GMDS: variants seen among roughly 807,000 people sequenced by gnomAD.
The protein encoded by GMDS is GDP-mannose 4,6-dehydratase, also known as GDP-mannose 4,6 dehydratase.
GMDS carries 20 observed loss-of-function variants against 49.9 expected under a neutral mutation model. The ratio of observed to expected loss-of-function variants is 0.40; its 90% CI spans 0.28 to 0.58. The LOEUF is 0.58. Ranked by LOEUF, GMDS falls within the 20% of genes least tolerant of loss-of-function variation. The pLI, the probability that GMDS is intolerant of heterozygous loss-of-function variation, is 0.42. For synonymous variants in GMDS, 177 were observed against 178.6 expected, an observed-to-expected ratio of 0.99 and a Z score of 0.07; for missense variants, 362 against 481.4, an observed-to-expected ratio of 0.75 and a Z score of 2.32.
At chr6:2,206,275 C>T (rs772227138) in intron 1 of GMDS, among the ~76,000 whole-genome samples, 14 of 151,706 alleles carry the variant, frequency 9.2e-5, no homozygotes, top group Admixed American at 2.6e-4. Flanking sequence ...AAAAAAAGCC[C>T]GGACATCCAA....
At chr6:1,947,536 C>T (rs1005346142) in intron 6 of GMDS, among the ~76,000 whole-genome samples, 1 of 152,206 alleles carries the variant, frequency 6.6e-6, no homozygotes, top group African/African-American at 2.4e-5. Flanking sequence ...TGTGACCGCA[C>T]TGATGTTCAC....
At chr6:1,881,345 G>C (rs1163757648) in intron 7 of GMDS, among the ~76,000 whole-genome samples, 2 of 152,234 alleles carry the variant, frequency 1.3e-5, no homozygotes, top group East Asian at 3.9e-4. Context: ...TTGTAGCCAA[G>C]CTTGAAGAAT....
intron 7 of GMDS, among the ~76,000 whole-genome samples, chr6:1,864,443 T>C (rs1758344291): frequency 1.3e-5 from 2 of 152,174 alleles, no homozygotes; most frequent in Admixed American, 6.5e-5. Context: ...TAACTAGAGA[T>C]TTATATGATC....
At chr6:2,180,860 A>G (rs1043127253) in intron 1 of GMDS, among the ~76,000 whole-genome samples, 1 of 152,174 alleles carries the variant, frequency 6.6e-6, no homozygotes, top group Non-Finnish European at 1.5e-5. Context: ...CATTTGTAAC[A>G]AAAGTACATA....
intron 6 of GMDS, among the ~76,000 whole-genome samples, chr6:1,945,268 T>G (rs1763025586): frequency 6.6e-6 from 1 of 151,938 alleles, no homozygotes; most frequent in Non-Finnish European, 1.5e-5. Flanking sequence ...TTTATAACTG[T>G]GGGGTTCTCA....
At chr6:1,940,593 G>T (rs959873739) in intron 6 of GMDS, among the ~76,000 whole-genome samples, 4 of 152,202 alleles carry the variant, frequency 2.6e-5, no homozygotes, top group Admixed American at 6.5e-5. Context: ...CCTGCCAAGA[G>T]CAACACTATT....
intron 4 of GMDS, among the ~76,000 whole-genome samples, chr6:1,969,289 A>AAAAAAAAAAAAAAAAAAAAAAAAAG: frequency 1.2e-5 from 1 of 84,354 alleles, no homozygotes; most frequent in East Asian, 4.0e-4. Flanking sequence ...AAAAAAAAAA[A>AAAAAAAAAAAAAAAAAAAAAAAAAG]AGAGAAAGAA....
chr6:1,882,134 T>C (rs1197363098), intron 7 of GMDS, among the ~76,000 whole-genome samples: 1 of 152,216 alleles, frequency 6.6e-6, no homozygotes, highest in Non-Finnish European at 1.5e-5. Flanking sequence ...CATGGTGTGG[T>C]ATTTTCAAAC....
chr6:2,118,072 C>T (rs1000616290), intron 2 of GMDS, among the ~76,000 whole-genome samples: 7 of 151,960 alleles, frequency 4.6e-5, no homozygotes, highest in African/African-American at 1.7e-4. Context: ...GTAGAAAAGT[C>T]GGAAAGCTAA....
intron 4 of GMDS, among the ~76,000 whole-genome samples, chr6:2,065,087 G>C (rs941662748): frequency 2.0e-5 from 3 of 152,136 alleles, no homozygotes; most frequent in East Asian, 1.9e-4. Context: ...AGGACAGGCA[G>C]ACTGCCTCCT....
intron 4 of GMDS, among the ~76,000 whole-genome samples, chr6:2,062,462 C>T (rs144997309): frequency 6.6e-6 from 1 of 152,192 alleles, no homozygotes; most frequent in Non-Finnish European, 1.5e-5. Context: ...ATCACTGGGA[C>T]TGACGTGGAT....
intron 9 of GMDS, among the ~76,000 whole-genome samples, chr6:1,686,368 T>C (rs1416097593): frequency 6.6e-6 from 1 of 152,210 alleles, no homozygotes; most frequent in Non-Finnish European, 1.5e-5. Context: ...CATGGCTACA[T>C]AATTAAAATG....
At chr6:1,641,125 G>C (rs1474182525) in intron 9 of GMDS, among the ~76,000 whole-genome samples, 1 of 152,212 alleles carries the variant, frequency 6.6e-6, no homozygotes, top group East Asian at 1.9e-4. Context: ...GTTCCCTTGG[G>C]GAAACTGGTG....
At chr6:2,143,055 C>A (rs1187702737) in intron 1 of GMDS, among the ~76,000 whole-genome samples, 1 of 152,242 alleles carries the variant, frequency 6.6e-6, no homozygotes, top group Non-Finnish European at 1.5e-5. Flanking sequence ...TCCCACTGGT[C>A]TGTAGGGTCT....
At chr6:1,932,535 T>G (rs1762335337) in intron 6 of GMDS, among the ~76,000 whole-genome samples, 1 of 149,604 alleles carries the variant, frequency 6.7e-6, no homozygotes, top group Admixed American at 6.6e-5. Flanking sequence ...TAATTTCTAA[T>G]TCTTTTTTTT....
intron 9 of GMDS, among the ~76,000 whole-genome samples, chr6:1,724,578 G>A (rs1212338127): frequency 1.3e-5 from 2 of 152,134 alleles, no homozygotes; most frequent in Non-Finnish European, 2.9e-5. Flanking sequence ...TGAGGTTTCT[G>A]TTGGCTTAGT....
intron 5 of GMDS, 38 bp from the exon 6 acceptor site, chr6:1,960,009 G>A (rs2127295799): frequency 8.2e-7 from 1 of 1,215,822 alleles, no homozygotes; most frequent in Non-Finnish European, 1.2e-6. Flanking sequence ...GAAGTTTGTT[G>A]TAAAAGACAG....
intron 4 of GMDS, among the ~76,000 whole-genome samples, chr6:2,071,597 C>T (rs1457110441): frequency 6.6e-6 from 1 of 151,766 alleles, no homozygotes; most frequent in African/African-American, 2.4e-5. Flanking sequence ...GGCAGCATCT[C>T]TAGCAAAGAA....
intron 7 of GMDS, among the ~76,000 whole-genome samples, chr6:1,899,801 A>T (rs9405523): frequency 6.8e-6 from 1 of 146,430 alleles, no homozygotes; most frequent in East Asian, 2.0e-4. Flanking sequence ...GGAGACCTGC[A>T]ACAGGGCACC....
Sources: allele counts gnomAD v4.1 joint callset (sites outside exome capture counted in the v4.1 genomes callset), GRCh38; gene constraint gnomAD v4.1.1; transcripts MANE v1.5; gene names NCBI Gene and HGNC (gene_info 2026-07-23, HGNC 2026-07-21).